The following TSPAN5 variants were observed in gnomAD, a reference collection of about 807,000 sequenced individuals.
TSPAN5 encodes the protein tetraspanin 5, also known as tetraspanin-5.
Under a neutral mutation model 37.1 loss-of-function variants are expected in TSPAN5, and 10 were observed. The observed-to-expected ratio is 0.27, with a 90% CI of 0.17 to 0.46. The LOEUF (loss-of-function observed/expected upper bound fraction) is 0.46, where lower values mean the gene tolerates loss of function less well. TSPAN5 is among the 20% of genes least tolerant of loss of function. The pLI, the probability that TSPAN5 is intolerant of heterozygous loss-of-function variation, is 1.00. For synonymous variants in TSPAN5, 110 were observed against 118.9 expected (o/e 0.93, Z 0.48); for missense variants, 195 against 326.6 (o/e 0.60, Z 3.11).
intron 1 of TSPAN5, among the ~76,000 whole-genome samples, chr4:98,583,244 A>T (rs1755409102): frequency 6.6e-6 from 1 of 152,106 alleles, no homozygotes; most frequent in Non-Finnish European, 1.5e-5. Context: ...TCCCTTTTTT[A>T]GGCCCACTTA....
At chr4:98,614,670 A>G (rs1051174945) in intron 1 of TSPAN5, among the ~76,000 whole-genome samples, 1 of 152,212 alleles carries the variant, frequency 6.6e-6, no homozygotes. Context: ...CTTATAACTA[A>G]TTATGCTCTT....
chr4:98,514,339 A>G (rs1400917103), intron 1 of TSPAN5, among the ~76,000 whole-genome samples: 1 of 152,188 alleles, frequency 6.6e-6, no homozygotes, highest in Non-Finnish European at 1.5e-5. Context: ...AGCAGGGTCC[A>G]CACAAATGTG....
rs781378733 is a variant in TSPAN5, at chr4:98,614,425, T to C, written c.81+43721A>G. Among the ~76,000 whole-genome samples, 24 of 152,176 alleles carry C rather than the reference T, an allele frequency of 1.6e-4. 1 individual carries two copies. The highest frequency in any genetic ancestry group is 5.8e-4 in the African/African-American group (24 of 41,528). On this transcript the variant is annotated intron_variant, in intron 1 of 7. Transcript: ENST00000305798. ...AAATGGAGCCAGGCTATTTTACATATGGGGGACAAAGGTTTCCACACCTTG... is the reference window on the plus strand; with the variant it reads ...AAATGGAGCCAGGCTATTTTACATACGGGGGACAAAGGTTTCCACACCTTG...
chr4:98,547,963 G>A (rs563096829), intron 1 of TSPAN5, among the ~76,000 whole-genome samples: 160 of 142,726 alleles, frequency 1.1e-3, no homozygotes, highest in African/African-American at 4.0e-3. Flanking sequence ...TGACAGCCGA[G>A]ATCATGCCAC....
chr4:98,657,615 G>T, intron 1 of TSPAN5: 1 of 168,486 alleles, frequency 5.9e-6, no homozygotes. Context: ...CATATACCAC[G>T]GCATCTGCAT....
At chr4:98,636,369 G>A (rs1465298396) in intron 1 of TSPAN5, among the ~76,000 whole-genome samples, 1 of 152,202 alleles carries the variant, frequency 6.6e-6, no homozygotes, top group Non-Finnish European at 1.5e-5. Context: ...GAATATGGAT[G>A]AGAAAATATG....
chr4:98,548,771 G>T (rs1020226349), intron 1 of TSPAN5, among the ~76,000 whole-genome samples: 1 of 152,134 alleles, frequency 6.6e-6, no homozygotes, highest in African/African-American at 2.4e-5. Flanking sequence ...GAGAATGTGT[G>T]GCATTTGCCT....
intron 3 of TSPAN5, chr4:98,485,170 T>C (rs933816263): frequency 6.6e-6 from 1 of 150,764 alleles, no homozygotes; most frequent in Admixed American, 6.6e-5. Context: ...ACTGATGAAA[T>C]AGTGGCAACA....
At chr4:98,603,528 C>G (rs1755933522) in intron 1 of TSPAN5, among the ~76,000 whole-genome samples, 1 of 152,164 alleles carries the variant, frequency 6.6e-6, no homozygotes, top group Admixed American at 6.5e-5. Flanking sequence ...AAATCAGTGC[C>G]TTGGATACAC....
At chr4:98,531,081 T>A (rs542967011) in intron 1 of TSPAN5, among the ~76,000 whole-genome samples, 3 of 152,328 alleles carry the variant, frequency 2.0e-5, no homozygotes, top group South Asian at 2.1e-4. Flanking sequence ...TATTCTTTTT[T>A]AAATTATACT....
intron 2 of TSPAN5, among the ~76,000 whole-genome samples, chr4:98,491,539 T>G (rs1034482032): frequency 6.6e-6 from 1 of 152,030 alleles, no homozygotes; most frequent in East Asian, 1.9e-4. Flanking sequence ...AATACACAAA[T>G]GAGCTGCACG....
chr4:98,562,343 GACA>G (rs1754898220), intron 1 of TSPAN5, among the ~76,000 whole-genome samples: 1 of 152,044 alleles, frequency 6.6e-6, no homozygotes, highest in Non-Finnish European at 1.5e-5. Flanking sequence ...ACTGAAATAA[GACA>G]ACAGGAGGAA....
At chr4:98,581,563 T>TA (rs1389639071) in intron 1 of TSPAN5, among the ~76,000 whole-genome samples, 2 of 152,200 alleles carry the variant, frequency 1.3e-5, no homozygotes, top group African/African-American at 4.8e-5. Flanking sequence ...CTGTCACAAT[T>TA]ACGTTATTCC....
At chr4:98,520,967 T>C (rs1753840974) in intron 1 of TSPAN5, among the ~76,000 whole-genome samples, 1 of 152,134 alleles carries the variant, frequency 6.6e-6, no homozygotes, top group African/African-American at 2.4e-5. Flanking sequence ...AGTCTCGCTC[T>C]GTCGCCCAGG....
intron 1 of TSPAN5, among the ~76,000 whole-genome samples, chr4:98,621,422 C>T (rs1425204725): frequency 7.0e-6 from 1 of 142,614 alleles, no homozygotes; most frequent in African/African-American, 2.7e-5. Context: ...GGCTGGAATG[C>T]AGTGGCGCGA....
At chr4:98,537,033 T>C (rs928140394) in intron 1 of TSPAN5, among the ~76,000 whole-genome samples, 1 of 152,148 alleles carries the variant, frequency 6.6e-6, no homozygotes, top group Non-Finnish European at 1.5e-5. Context: ...TTCCAGGTGC[T>C]ACTGGGGTAT....
Position 98,658,282 on chromosome 4 carries a change from A to C in TSPAN5, c.-56T>G. The C allele has an allele frequency of 6.9e-7, 1 of 1,450,464 alleles. No homozygotes were observed. The allele number at this position is 1,450,464 out of a possible 1,614,324, so 89.8% of individuals were successfully genotyped here. ...CAGCCCGAGTTTGGAGCTCCGAAGC[A>C]CCGTTGCTCGGAGCAGCCCGGCGGG... On this transcript the variant is annotated 5_prime_UTR_variant, in exon 1 of 8. Coordinates refer to ENST00000305798, the MANE Select transcript of TSPAN5 (RefSeq NM_005723.4).
chr4:98,532,617 C>CA (rs368411669), intron 1 of TSPAN5, among the ~76,000 whole-genome samples: 1 of 151,286 alleles, frequency 6.6e-6, no homozygotes, highest in Non-Finnish European at 1.5e-5. Flanking sequence ...TTCTAAATAT[C>CA]TGTCATCTGA....
intron 1 of TSPAN5, among the ~76,000 whole-genome samples, chr4:98,623,924 G>A (rs578085202): frequency 2.6e-5 from 4 of 152,148 alleles, no homozygotes; most frequent in Admixed American, 6.5e-5. Context: ...TCCTCCCAGA[G>A]TAAGTTTGGA....
Sources: gnomAD v4.1 joint callset for allele counts (sites outside exome capture counted in the v4.1 genomes callset) on GRCh38, gnomAD v4.1.1 for gene constraint, MANE v1.5 for transcripts, NCBI Gene and HGNC (gene_info 2026-07-23, HGNC 2026-07-21) for gene names.